The following GIGYF2 variants were observed in gnomAD, a reference collection of about 807,000 sequenced individuals.
GIGYF2 encodes GRB10 interacting GYF protein 2.
In GIGYF2, 25 loss-of-function variants were observed where a neutral mutation model predicts 208.1. The observed-to-expected ratio is 0.12, with a 90% confidence interval of 0.09 to 0.17. GIGYF2 has a LOEUF of 0.17. Among genes scored for constraint, GIGYF2 ranks in the 10% least tolerant of loss-of-function variants. The pLI is 1.00. For missense variants in GIGYF2, 1,302 were observed against 1,579.4 expected (o/e 0.82, Z 2.98); for synonymous variants, 534 against 543.8 (o/e 0.98, Z 0.25).
chr2:232,850,501 G>C (rs1690271201), intron 28 of GIGYF2, 92 bp downstream of exon 28: 1 of 1,192,338 alleles, frequency 8.4e-7, no homozygotes, highest in African/African-American at 1.5e-5. Context: ...TGTTTTTCAA[G>C]AAGGGAAATA....
intron 23 of GIGYF2, among the ~76,000 whole-genome samples, chr2:232,843,561 T>TC (rs1701894859): frequency 1.3e-5 from 1 of 79,756 alleles, no homozygotes. Flanking sequence ...AGACCCTGTC[T>TC]CAAAAAAAAA....
At chr2:232,711,923 T>C (rs1696435169) in intron 2 of GIGYF2, among the ~76,000 whole-genome samples, 1 of 151,942 alleles carries the variant, frequency 6.6e-6, no homozygotes. Flanking sequence ...ATCAATAGTT[T>C]GTCTTCTGTA....
intron 9 of GIGYF2, among the ~76,000 whole-genome samples, chr2:232,788,962 C>A (rs1364128766): frequency 6.6e-6 from 1 of 152,044 alleles, no homozygotes; most frequent in Non-Finnish European, 1.5e-5. Context: ...ACTTTTTAAA[C>A]CCAGTATATT....
At chr2:232,734,189 G>A (rs1405560105) in intron 2 of GIGYF2, among the ~76,000 whole-genome samples, 1 of 143,386 alleles carries the variant, frequency 7.0e-6, no homozygotes, top group Non-Finnish European at 1.5e-5. Flanking sequence ...GGCCCAAGCC[G>A]TCTGCCTGGC....
At chr2:232,749,932 C>T (rs2106314378) in intron 5 of GIGYF2, among the ~76,000 whole-genome samples, 1 of 152,244 alleles carries the variant, frequency 6.6e-6, no homozygotes, top group Admixed American at 6.5e-5. Flanking sequence ...CACCTGTAAT[C>T]CCAGCGCTTT....
At chr2:232,846,294 G>A (rs1347303243) in intron 26 of GIGYF2, among the ~76,000 whole-genome samples, 1 of 152,216 alleles carries the variant, frequency 6.6e-6, no homozygotes, top group African/African-American at 2.4e-5. Context: ...CTTTGGGGGA[G>A]GGAATGGGAA....
chr2:232,843,098 ATCTAT>A (rs1701868760), intron 23 of GIGYF2: 1 of 151,142 alleles, frequency 6.6e-6, no homozygotes, highest in South Asian at 2.1e-4. Flanking sequence ...ATTTTAAAAA[ATCTAT>A]TCTGTTTTCT....
chr2:232,760,367 T>C, intron 6 of GIGYF2, 113 bp from the exon 7 acceptor site: 1 of 743,662 alleles, frequency 1.3e-6, no homozygotes, highest in Non-Finnish European at 2.4e-6. Context: ...AGTATTTAAA[T>C]GTAGATGTCC....
chr2:232,743,207 A>C (rs1698033740), intron 3 of GIGYF2, among the ~76,000 whole-genome samples: 1 of 152,158 alleles, frequency 6.6e-6, no homozygotes, highest in Non-Finnish European at 1.5e-5. Context: ...AGGAGAAACC[A>C]GGCACACTGC....
chr2:232,771,309 C>T (rs1347662193), intron 8 of GIGYF2: 1 of 1,611,440 alleles, frequency 6.2e-7, no homozygotes, highest in South Asian at 1.1e-5. Context: ...TGACCATCCT[C>T]CGGTATCTTT....
chr2:232,702,357 T>C (rs1235060972), intron 1 of GIGYF2, among the ~76,000 whole-genome samples: 1 of 151,962 alleles, frequency 6.6e-6, no homozygotes, highest in Non-Finnish European at 1.5e-5. Context: ...GAGACTTGCT[T>C]GAACCTGGGA....
chr2:232,728,518 T>TG (rs1697309220), intron 2 of GIGYF2, among the ~76,000 whole-genome samples: 1 of 152,206 alleles, frequency 6.6e-6, no homozygotes, highest in South Asian at 2.1e-4. Context: ...TCAGATGATC[T>TG]AGGCTTTTGA....
At chr2:232,853,299 G>C (rs1690429353) in intron 28 of GIGYF2, among the ~76,000 whole-genome samples, 2 of 152,088 alleles carry the variant, frequency 1.3e-5, no homozygotes, top group Non-Finnish European at 1.5e-5. Flanking sequence ...CAGCAGAGGG[G>C]GCCACAGCCT....
At chr2:232,783,419 C>A (rs951141831) in intron 8 of GIGYF2, among the ~76,000 whole-genome samples, 16 of 150,872 alleles carry the variant, frequency 1.1e-4, no homozygotes, top group South Asian at 2.1e-4. Context: ...TTTTTTTTGG[C>A]TCCAGTTCTT....
Position 232,823,795 on chromosome 2 carries a change from C to T in GIGYF2, c.2529+3810C>T, listed in dbSNP as rs541415383. 1.1e-4 allele frequency among the ~76,000 whole-genome samples: 16 copies of T among 152,254 alleles called. No individual in the cohort carries two copies. The East Asian group carries it at 1.3e-3, about 13-fold the overall frequency. ...TATTTCTTCATTGAATAGAGGCATACCTCATTTTATTGTGCTTCACTTTCT... is the reference window on the plus strand; with the variant it reads ...TATTTCTTCATTGAATAGAGGCATATCTCATTTTATTGTGCTTCACTTTCT... On this transcript the variant is annotated intron_variant, in intron 21 of 28. Coordinates refer to ENST00000373563, the MANE Select transcript of GIGYF2 (RefSeq NM_001103146.3).
At chr2:232,779,171 G>T (rs1376335748) in intron 8 of GIGYF2, among the ~76,000 whole-genome samples, 1 of 152,160 alleles carries the variant, frequency 6.6e-6, no homozygotes, top group Non-Finnish European at 1.5e-5. Flanking sequence ...TGTTATTTCT[G>T]TTGTAGCTGT....
chr2:232,836,283 TATATATATATATATATATATATATATA>T (rs1701598309), intron 22 of GIGYF2, among the ~76,000 whole-genome samples: 1 of 6,066 alleles, frequency 1.6e-4, no homozygotes, highest in East Asian at 9.8e-4. Flanking sequence ...TATATATATA[TATATATATATATATATATATATATATA>T]TATATATATA....
At chr2:232,787,941 G>A (rs945075698) in intron 9 of GIGYF2, among the ~76,000 whole-genome samples, 1 of 152,290 alleles carries the variant, frequency 6.6e-6, no homozygotes. Flanking sequence ...TTGGACATTA[G>A]ATATGCTAGT....
intron 2 of GIGYF2, among the ~76,000 whole-genome samples, chr2:232,734,069 A>G (rs567698192): frequency 1.1e-4 from 17 of 150,528 alleles, no homozygotes; most frequent in African/African-American, 4.1e-4. Context: ...AATCTGAAGC[A>G]ACTTTTAAAA....
Sources: allele counts gnomAD v4.1 joint callset (sites outside exome capture counted in the v4.1 genomes callset), GRCh38; gene constraint gnomAD v4.1.1; transcripts MANE v1.5; gene names NCBI Gene and HGNC (gene_info 2026-07-23, HGNC 2026-07-21).